Variants in SMG6 observed in about 807,000 individuals in gnomAD.
The protein encoded by SMG6 is SMG6 nonsense mediated mRNA decay factor.
Under a neutral mutation model 142.2 loss-of-function variants are expected in SMG6, and 66 were observed. The ratio of observed to expected loss-of-function variants is 0.46; its 90% CI spans 0.38 to 0.57. The LOEUF is 0.57. Ranked by LOEUF, SMG6 falls within the 20% of genes least tolerant of loss-of-function variation. The probability of loss-of-function intolerance (pLI) is 0.00; values close to 1 mark genes in which losing one functional copy is unlikely to be tolerated. For missense variants in SMG6, 1,793 were observed against 1,832.0 expected (o/e 0.98, Z 0.39); for synonymous variants, 779 against 702.4 (o/e 1.11, Z -1.72).
chr17:2,128,244 G>A (rs1312518762), intron 13 of SMG6, among the ~76,000 whole-genome samples: 1 of 152,190 alleles, frequency 6.6e-6, no homozygotes, highest in Non-Finnish European at 1.5e-5. Context: ...CTGCCGGCAC[G>A]GAGCAGCGGC....
intron 1 of SMG6, chr17:2,303,338 G>A: frequency 8.5e-7 from 1 of 1,175,648 alleles, no homozygotes. Flanking sequence ...TGGGAATCCG[G>A]GGCGGGTCTG....
At chr17:2,125,775 A>G (rs1311619374) in intron 13 of SMG6, among the ~76,000 whole-genome samples, 1 of 152,170 alleles carries the variant, frequency 6.6e-6, no homozygotes, top group Admixed American at 6.5e-5. Context: ...CAACATGGCA[A>G]AACACCGTCT....
intron 10 of SMG6, among the ~76,000 whole-genome samples, chr17:2,216,795 A>T (rs1237592377): frequency 1.3e-5 from 2 of 152,218 alleles, no homozygotes; most frequent in Non-Finnish European, 2.9e-5. Flanking sequence ...GCATTTTATG[A>T]AGCTAAAATA....
intron 13 of SMG6, among the ~76,000 whole-genome samples, chr17:2,151,418 G>T (rs2070821028): frequency 6.6e-5 from 10 of 152,154 alleles, no homozygotes; most frequent in Admixed American, 6.5e-4. Flanking sequence ...AAAAAGACAT[G>T]CAAATAACTG....
chr17:2,130,674 G>A (rs919208168), intron 13 of SMG6, among the ~76,000 whole-genome samples: 6 of 151,836 alleles, frequency 4.0e-5, no homozygotes, highest in South Asian at 2.1e-4. Flanking sequence ...CTCAGGGTAT[G>A]TAAGGTTTCC....
At chr17:2,072,695 C>T (rs2068137854) in intron 15 of SMG6, 1 of 152,176 alleles carries the variant, frequency 6.6e-6, no homozygotes, top group Admixed American at 6.5e-5. Context: ...GAACCTGGAT[C>T]ATGAAGCAGA....
chr17:2,303,729 C>T lies in SMG6; in HGVS notation c.-9G>A. The T allele has an allele frequency of 6.7e-7, 1 of 1,491,520 alleles. No homozygotes were observed. The highest frequency in any genetic ancestry group is 8.9e-7 in the Non-Finnish European group (1 of 1,127,004). 92.4% of individuals were successfully genotyped at this position (1,491,520 alleles called of 1,614,324 possible). A position where few individuals can be genotyped will look rare whatever the true frequency, so the allele number is the denominator to read the frequency against. On this transcript the variant is annotated 5_prime_UTR_variant, in exon 1 of 19. Coordinates refer to ENST00000263073, the MANE Select transcript of SMG6 (RefSeq NM_017575.5). Reference sequence around the variant, plus strand: ...TCCAGCCCTTCCGCCATCTTCGCGGCTGCTGCTACAGCCGTAGCGGCTCCG... The same window carrying T: ...TCCAGCCCTTCCGCCATCTTCGCGGTTGCTGCTACAGCCGTAGCGGCTCCG...
chr17:2,199,166 C>T (rs2072433481), intron 10 of SMG6, among the ~76,000 whole-genome samples: 1 of 152,098 alleles, frequency 6.6e-6, no homozygotes, highest in Admixed American at 6.6e-5. Flanking sequence ...AATGTTCTTG[C>T]TTCTCAAAAA....
At chr17:2,171,048 G>GT (rs1197310544) in intron 13 of SMG6, among the ~76,000 whole-genome samples, 2 of 152,156 alleles carry the variant, frequency 1.3e-5, no homozygotes, top group African/African-American at 4.8e-5. Flanking sequence ...ACTGAGGCAG[G>GT]TAAATCACTT....
intron 8 of SMG6, among the ~76,000 whole-genome samples, chr17:2,261,445 A>T (rs1038720937): frequency 2.6e-5 from 4 of 152,142 alleles, no homozygotes; most frequent in African/African-American, 7.2e-5. Flanking sequence ...GTGTATATAT[A>T]TTTTTGGAAG....
At chr17:2,283,247 T>A (rs1567746447) in intron 7 of SMG6, among the ~76,000 whole-genome samples, 1 of 152,216 alleles carries the variant, frequency 6.6e-6, no homozygotes, top group Non-Finnish European at 1.5e-5. Flanking sequence ...CTCACCGGTA[T>A]TTATTTGACA....
intron 13 of SMG6, among the ~76,000 whole-genome samples, chr17:2,115,083 G>A (rs2069465953): frequency 6.6e-6 from 1 of 152,030 alleles, no homozygotes; most frequent in Admixed American, 6.6e-5. Flanking sequence ...GCTGCTAACT[G>A]ATAGCTGGTG....
chr17:2,096,130 T>G lies in SMG6; in HGVS notation c.3358-10229A>C, dbSNP rs1187078492. Among the ~76,000 whole-genome samples the G allele has an allele frequency of 4.6e-5, 7 of 152,106 alleles. No homozygotes were observed. In the South Asian group the frequency reaches 1.5e-3, roughly 32 times the overall value. On this transcript the variant is annotated intron_variant, in intron 13 of 18. Coordinates refer to ENST00000263073, the MANE Select transcript of SMG6 (RefSeq NM_017575.5). ...AATCAAGGCTCACTGCTGCCTCAAA[T>G]AACTGGGCTCAAGCAATCCTCCCAC... is the stretch of plus-strand genomic sequence containing the variant.
chr17:2,219,281 A>C (rs1378480225), intron 10 of SMG6, among the ~76,000 whole-genome samples: 2 of 152,154 alleles, frequency 1.3e-5, no homozygotes, highest in African/African-American at 2.4e-5. Context: ...GCTACATCGG[A>C]GGCTGAGGCA....
chr17:2,144,208 G>C (rs1164587995), intron 13 of SMG6, among the ~76,000 whole-genome samples: 2 of 151,894 alleles, frequency 1.3e-5, no homozygotes, highest in South Asian at 2.1e-4. Flanking sequence ...ACAGGTGCCT[G>C]CCATCACGCC....
chr17:2,234,334 T>A (rs1315068140), intron 10 of SMG6, among the ~76,000 whole-genome samples: 1 of 151,752 alleles, frequency 6.6e-6, no homozygotes, highest in Non-Finnish European at 1.5e-5. Flanking sequence ...CAATCTCGGC[T>A]CACTGCAACC....
intron 8 of SMG6, among the ~76,000 whole-genome samples, chr17:2,264,532 A>AT (rs2151340731): frequency 1.3e-5 from 2 of 152,336 alleles, no homozygotes; most frequent in South Asian, 4.1e-4. Context: ...CACCAGCAAC[A>AT]TCAAAACAAA....
At chr17:2,141,857 G>C (rs1597459507) in intron 13 of SMG6, among the ~76,000 whole-genome samples, 1 of 152,160 alleles carries the variant, frequency 6.6e-6, no homozygotes, top group South Asian at 2.1e-4. Context: ...ATAAGAGACT[G>C]GCCCTGATGT....
chr17:2,167,305 C>A (rs2071372667), intron 13 of SMG6, among the ~76,000 whole-genome samples: 2 of 151,886 alleles, frequency 1.3e-5, no homozygotes, highest in Admixed American at 1.3e-4. Flanking sequence ...ATCAAGATGA[C>A]AAACTTGAGA....
Sources: gnomAD v4.1 joint callset for allele counts (sites outside exome capture counted in the v4.1 genomes callset) on GRCh38, gnomAD v4.1.1 for gene constraint, MANE v1.5 for transcripts, NCBI Gene and HGNC (gene_info 2026-07-23, HGNC 2026-07-21) for gene names.